Variants in SP7 observed in about 807,000 individuals in gnomAD.
SP7 encodes the protein Sp7 transcription factor, also known as transcription factor Sp7.
SP7 carries 13 observed loss-of-function variants against 27.9 expected under a neutral mutation model. That is an observed-to-expected ratio of 0.47 (90% CI 0.30 to 0.74). The LOEUF (loss-of-function observed/expected upper bound fraction) is 0.74. Among genes scored for constraint, SP7 ranks in the 30% least tolerant of loss-of-function variants. SP7 has a pLI of 0.06. For missense variants in SP7, 525 were observed against 558.0 expected (o/e 0.94, Z 0.60); for synonymous variants, 219 against 226.7 (o/e 0.97, Z 0.31).
At chr12:53,342,260 T>TA (rs879718339) in intron 1 of SP7, among the ~76,000 whole-genome samples, 35 of 146,234 alleles carry the variant, frequency 2.4e-4, no homozygotes, top group Admixed American at 5.4e-4. Flanking sequence ...AGACTCCATT[T>TA]AAAAAAAAAA....
At chr12:53,336,714 G>A (rs546845452), upstream of SP7, among the ~76,000 whole-genome samples, 107 of 152,074 alleles carry the variant, frequency 7.0e-4, no homozygotes, top group Non-Finnish European at 1.4e-3. Flanking sequence ...CAGGAGAGCA[G>A]TGTGTATGTG....
chr12:53,336,366 GGCTGCTGCCGCCCGCC>G, upstream of SP7: 1 of 157,422 alleles, frequency 6.4e-6, no homozygotes, highest in Non-Finnish European at 1.4e-5. Context: ...CTGCTGCCTA[GGCTGCTGCCGCCCGCC>G]GCTGCTGAGG....
chr12:53,340,654 T>C (rs1180235595), upstream of SP7, among the ~76,000 whole-genome samples: 2 of 152,134 alleles, frequency 1.3e-5, no homozygotes, highest in Non-Finnish European at 2.9e-5. Flanking sequence ...GTTGCGCTCA[T>C]GTCCCGGGCC....
chr12:53,331,238 A>C (rs1285228362), intron 2 of SP7, among the ~76,000 whole-genome samples: 1 of 152,058 alleles, frequency 6.6e-6, no homozygotes, highest in Non-Finnish European at 1.5e-5. Flanking sequence ...TTGGGAAGCT[A>C]AGGTGGGTGG....
rs757811295 is a variant in SP7 at position 53,328,547 on chromosome 12, G to T, written c.895C>A (p.Pro299Thr). ...TTGCCATACACCTTGCCGCAGCCAG[G>T]GATGTGGCAGCTGTGGATGGGCTTC... ...RKKPIHSCHIPGCGKVYGKAS... is the reference protein window; with the variant it reads ...RKKPIHSCHITGCGKVYGKAS... The change falls in exon 3 of 3, where the codon CCT becomes ACT. Residue 299 changes from proline to threonine, a missense_variant. Pro to Thr is a conservative substitution (Grantham distance 38, BLOSUM62 -1). Transcript: ENST00000536324. The surrounding 1 kb of genome is among the most constrained non-coding windows in gnomAD (Gnocchi z 5.1). The T allele has an allele frequency of 6.2e-6, 10 of 1,612,422 alleles. No individual in the cohort carries two copies. The highest frequency in any genetic ancestry group is 8.5e-6 in the Non-Finnish European group (10 of 1,178,810).
At chr12:53,340,573 C>A (rs574002349), upstream of SP7, among the ~76,000 whole-genome samples, 3 of 152,160 alleles carry the variant, frequency 2.0e-5, no homozygotes, top group East Asian at 5.8e-4. Flanking sequence ...CGCTGCTCTG[C>A]GGCCCCGCTG....
At position 53,329,155 on chromosome 12, in the gene SP7, G is replaced by A; in HGVS notation, c.287C>T (p.Ser96Phe). ...GCCTGTGGGCCCAGGGAATGAGTGG[G>A]AAAAGGGAGGGTAATCATTAGCATA... is the stretch of plus-strand genomic sequence containing the variant. ...SGYANDYPPF[S>F]HSFPGPTGTQ... Residue 96 changes from serine (S) to phenylalanine (F), a missense_variant, in exon 3 of 3, where the codon TCC (serine) becomes TTC (phenylalanine). Coordinates refer to ENST00000536324, the MANE Select transcript of SP7 (RefSeq NM_001173467.3). The A allele has an allele frequency of 6.2e-7, 1 of 1,613,856 alleles. No homozygotes were observed. The highest frequency in any genetic ancestry group is 8.5e-7 in the Non-Finnish European group (1 of 1,179,870).
upstream of SP7, among the ~76,000 whole-genome samples, chr12:53,340,498 C>T (rs948450408): frequency 5.9e-5 from 9 of 152,124 alleles, no homozygotes; most frequent in African/African-American, 2.2e-4. Flanking sequence ...TTCAGAGACC[C>T]AGATGGCCCC....
rs752203868 is a variant in SP7 at position 53,329,395 on chromosome 12, G to T, written c.47C>A (p.Pro16His). The T allele has an allele frequency of 2.5e-6, 4 of 1,613,960 alleles. No individual in the cohort carries two copies. In the East Asian group the frequency reaches 8.9e-5, roughly 36 times the overall value. ...GCACGCTGCCGTCAGCATGGCCAGGGGACTGGAGCCATAGTGAACTTCCTC... is the reference window on the plus strand; with the variant it reads ...GCACGCTGCCGTCAGCATGGCCAGGTGACTGGAGCCATAGTGAACTTCCTC... ...LEEEVHYGSS[P>H]LAMLTAACSK... Residue 16 changes from proline to histidine, a missense_variant, in exon 3 of 3, where the codon CCC becomes CAC. Coordinates refer to ENST00000536324, the MANE Select transcript of SP7 (RefSeq NM_001173467.3).
chr12:53,332,950 C>T (rs754539814), intron 2 of SP7, among the ~76,000 whole-genome samples: 4 of 152,172 alleles, frequency 2.6e-5, no homozygotes, highest in African/African-American at 7.2e-5. Flanking sequence ...CCTCACACTG[C>T]GGCCACAGGG....
chr12:53,332,077 T>A (rs1266553432), intron 2 of SP7, among the ~76,000 whole-genome samples: 1 of 151,992 alleles, frequency 6.6e-6, no homozygotes, highest in African/African-American at 2.4e-5. Flanking sequence ...CCAGTCAGGG[T>A]TTCCCGGGAA....
At chr12:53,342,956 G>A (rs1944836245) in intron 1 of SP7, among the ~76,000 whole-genome samples, 1 of 151,808 alleles carries the variant, frequency 6.6e-6, no homozygotes, top group African/African-American at 2.4e-5. Flanking sequence ...AAGACAGCAT[G>A]ACTAAGTAAA....
chr12:53,331,116 C>A (rs1478147784), intron 2 of SP7, among the ~76,000 whole-genome samples: 1 of 152,300 alleles, frequency 6.6e-6, no homozygotes, highest in East Asian at 1.9e-4. Context: ...ACATGTAGTC[C>A]TTCTAGCACT....
chr12:53,329,476 G>T (rs1944679005), intron 2 of SP7, 56 bp from the exon 3 acceptor site: 1 of 1,500,896 alleles, frequency 6.7e-7, no homozygotes. Context: ...ACAAAATGAA[G>T]GGCAACACTT....
intron 2 of SP7, among the ~76,000 whole-genome samples, chr12:53,333,490 C>T (rs1944730129): frequency 1.3e-5 from 2 of 152,092 alleles, no homozygotes; most frequent in Non-Finnish European, 2.9e-5. Flanking sequence ...GGTGCAGTGC[C>T]CAGCCTGGCC....
chr12:53,342,530 G>A (rs1255558737), intron 1 of SP7, among the ~76,000 whole-genome samples: 2 of 152,048 alleles, frequency 1.3e-5, no homozygotes, highest in Non-Finnish European at 2.9e-5. Flanking sequence ...AATAAGTACT[G>A]GAGGGCCAGG....
At chr12:53,329,729 G>T (rs367998148) in intron 2 of SP7, among the ~76,000 whole-genome samples, 1 of 152,024 alleles carries the variant, frequency 6.6e-6, no homozygotes, top group South Asian at 2.1e-4. Flanking sequence ...AGGAACAGGA[G>T]GTTCTTTTTC....
rs981704727 is a variant in SP7, at chr12:53,344,026, C to T, written c.-34+1088G>A. On this transcript the variant is annotated intron_variant, in intron 1 of 1. Transcript: ENST00000547755. The surrounding 1 kb of genome is among the most constrained non-coding windows in gnomAD (Gnocchi z 4.6). ...TTGTGCCACTGCTCTGCAGCCTGGG[C>T]GACAGAGCCAGACTCTGTCTCAAGA... Among the ~76,000 whole-genome samples, 9 of 151,228 alleles carry T rather than the reference C, an allele frequency of 6.0e-5. No individual in the cohort carries two copies. Among genetic ancestry groups the T allele is most frequent in the South Asian group, 4.2e-4 (2 of 4,788 alleles).
upstream of SP7, among the ~76,000 whole-genome samples, chr12:53,338,675 C>T (rs942237946): frequency 1.3e-5 from 2 of 152,068 alleles, no homozygotes; most frequent in African/African-American, 4.8e-5. Context: ...ATTCTCTATT[C>T]GAACCCTACT....
Sources: gnomAD v4.1 joint callset for allele counts (sites outside exome capture counted in the v4.1 genomes callset) on GRCh38, gnomAD v4.1.1 for gene constraint, Gnocchi (gnomAD v3.1) non-coding constraint, MANE v1.5 for transcripts, NCBI Gene and HGNC (gene_info 2026-07-23, HGNC 2026-07-21) for gene names.